The following GBE1 variants were observed in gnomAD, a reference collection of about 807,000 sequenced individuals.
GBE1 encodes the protein 1,4-alpha-glucan-branching enzyme.
A neutral mutation model predicts 88.8 loss-of-function variants in GBE1; 70 were observed. The observed-to-expected ratio is 0.79, with a 90% confidence interval of 0.65 to 0.96. The LOEUF is 0.96. GBE1 is among the 40% of genes least tolerant of loss of function. The pLI, the probability that GBE1 is intolerant of heterozygous loss-of-function variation, is 0.00. For synonymous variants in GBE1, 284 were observed against 300.1 expected (o/e 0.95, Z 0.56); for missense variants, 872 against 871.0 (o/e 1.00, Z -0.01).
chr3:81,536,627 C>A (rs978772870), intron 13 of GBE1, among the ~76,000 whole-genome samples: 1 of 151,938 alleles, frequency 6.6e-6, no homozygotes, highest in Admixed American at 6.6e-5. Flanking sequence ...GGGTTCCCTG[C>A]AGAGCTTTTA....
At chr3:81,627,452 G>C (rs927762973) in intron 7 of GBE1, among the ~76,000 whole-genome samples, 4 of 152,080 alleles carry the variant, frequency 2.6e-5, no homozygotes, top group African/African-American at 9.7e-5. Flanking sequence ...CCAATAACTG[G>C]TATAATAAAA....
chr3:81,538,390 T>C (rs1037018487), intron 12 of GBE1, among the ~76,000 whole-genome samples: 17 of 152,106 alleles, frequency 1.1e-4, no homozygotes, highest in African/African-American at 4.1e-4. Context: ...TCCAAATAAA[T>C]AGGTGTATAG....
At chr3:81,600,085 A>T (rs1704011686) in intron 7 of GBE1, among the ~76,000 whole-genome samples, 1 of 152,114 alleles carries the variant, frequency 6.6e-6, no homozygotes, top group Non-Finnish European at 1.5e-5. Context: ...CATCCTGGCC[A>T]ACATTGTGAA....
chr3:81,567,932 A>G (rs1703514438), intron 12 of GBE1, among the ~76,000 whole-genome samples: 1 of 152,142 alleles, frequency 6.6e-6, no homozygotes, highest in Non-Finnish European at 1.5e-5. Context: ...AAGACCTATA[A>G]TGACCTTTAT....
Position 81,551,914 on chromosome 3 carries a change from C to A in GBE1, c.1619-14819G>T, listed in dbSNP as rs182180993. On this transcript the variant is annotated intron_variant, in intron 12 of 15. Transcript: ENST00000429644. Reference sequence around the variant, plus strand: ...ATCCATACCCCCAATTCTAGAAGAGCTGAAAGGGGCCAGGAATGTGGTGCT... The same window carrying A: ...ATCCATACCCCCAATTCTAGAAGAGATGAAAGGGGCCAGGAATGTGGTGCT... 2.3e-3 allele frequency among the ~76,000 whole-genome samples: 356 copies of A among 152,242 alleles called. 2 individuals are homozygous for A. The highest frequency in any genetic ancestry group is 8.2e-3 in the African/African-American group (340 of 41,542).
intron 1 of GBE1, among the ~76,000 whole-genome samples, chr3:81,744,770 C>T (rs1706399536): frequency 6.6e-6 from 1 of 152,104 alleles, no homozygotes; most frequent in South Asian, 2.1e-4. Context: ...TTCACTGTAA[C>T]CAAAGCTGTA....
chr3:81,667,023 CTGAT>C (rs1297517758), intron 3 of GBE1, among the ~76,000 whole-genome samples: 1 of 152,166 alleles, frequency 6.6e-6, no homozygotes, highest in Non-Finnish European at 1.5e-5. Context: ...TTTGTACCTT[CTGAT>C]TGTTATTTGA....
intron 2 of GBE1, among the ~76,000 whole-genome samples, chr3:81,681,736 A>C (rs1472942775): frequency 6.6e-6 from 1 of 152,190 alleles, no homozygotes; most frequent in Non-Finnish European, 1.5e-5. Context: ...TTTAAAACCA[A>C]TAGTTCTGGA....
chr3:81,503,639 A>G (rs1702618114), intron 14 of GBE1, among the ~76,000 whole-genome samples: 2 of 152,192 alleles, frequency 1.3e-5, no homozygotes, highest in Non-Finnish European at 2.9e-5. Context: ...TTAGGGAATC[A>G]GAAGTGGAAG....
At chr3:81,631,740 T>A in intron 7 of GBE1, among the ~76,000 whole-genome samples, 1 of 144,280 alleles carries the variant, frequency 6.9e-6, no homozygotes, top group African/African-American at 2.7e-5. Flanking sequence ...AGCAAGACTC[T>A]GTCTCAAAAA....
intron 14 of GBE1, among the ~76,000 whole-genome samples, chr3:81,506,926 G>T (rs867639173): frequency 1.2e-4 from 18 of 152,232 alleles, no homozygotes; most frequent in Middle Eastern, 6.8e-3. Flanking sequence ...AGGGTGGAGG[G>T]TGGGAGGAGG....
At chr3:81,725,929 A>G (rs1232829740) in intron 1 of GBE1, among the ~76,000 whole-genome samples, 1 of 152,184 alleles carries the variant, frequency 6.6e-6, no homozygotes, top group African/African-American at 2.4e-5. Context: ...CAAATGTTCC[A>G]AGCAGTCATT....
chr3:81,658,260 C>T (rs1704970718), intron 3 of GBE1, among the ~76,000 whole-genome samples: 1 of 151,818 alleles, frequency 6.6e-6, no homozygotes, highest in African/African-American at 2.4e-5. Flanking sequence ...AGTATATTAG[C>T]TATGAAAAAT....
At chr3:81,732,961 C>G (rs1490901340) in intron 1 of GBE1, among the ~76,000 whole-genome samples, 1 of 152,196 alleles carries the variant, frequency 6.6e-6, no homozygotes, top group Non-Finnish European at 1.5e-5. Context: ...CCCATACAAA[C>G]TCTTCTATTT....
At chr3:81,496,668 T>C (rs546265620) in intron 15 of GBE1, among the ~76,000 whole-genome samples, 2 of 152,324 alleles carry the variant, frequency 1.3e-5, no homozygotes, top group Non-Finnish European at 2.9e-5. Flanking sequence ...AATAAGGAGT[T>C]CTCTTATAAT....
intron 15 of GBE1, among the ~76,000 whole-genome samples, chr3:81,492,520 C>T (rs886810048): frequency 6.6e-6 from 1 of 152,010 alleles, no homozygotes. Flanking sequence ...CTCCCTACAT[C>T]TTAGCAAAAC....
At chr3:81,645,918 G>C (rs1238967257) in intron 6 of GBE1, among the ~76,000 whole-genome samples, 1 of 152,126 alleles carries the variant, frequency 6.6e-6, no homozygotes, top group African/African-American at 2.4e-5. Flanking sequence ...CTCTTTAATT[G>C]CATAGAATCC....
chr3:81,678,777 A>G (rs1705297064), intron 2 of GBE1, among the ~76,000 whole-genome samples: 1 of 152,180 alleles, frequency 6.6e-6, no homozygotes, highest in African/African-American at 2.4e-5. Flanking sequence ...TAAGTTAAAA[A>G]GAAGAAAAAA....
chr3:81,731,646 C>G (rs901109427), intron 1 of GBE1, among the ~76,000 whole-genome samples: 5 of 152,124 alleles, frequency 3.3e-5, no homozygotes, highest in Admixed American at 2.6e-4. Flanking sequence ...CAGATTCCCC[C>G]TTCCTGGTCT....
Sources: allele counts gnomAD v4.1 joint callset (sites outside exome capture counted in the v4.1 genomes callset), GRCh38; gene constraint gnomAD v4.1.1; transcripts MANE v1.5; gene names NCBI Gene and HGNC (gene_info 2026-07-23, HGNC 2026-07-21).